TMEM233: variants seen among roughly 807,000 people sequenced by gnomAD.
TMEM233 encodes dispanin subfamily B member 2.
In TMEM233, 6 loss-of-function variants were observed where a neutral mutation model predicts 11.2. That is an observed-to-expected ratio of 0.54 (90% CI 0.29 to 1.06). TMEM233 has a LOEUF of 1.06. Among genes scored for constraint, TMEM233 ranks in the 50% least tolerant of loss-of-function variants. TMEM233 has a pLI of 0.08. For synonymous variants in TMEM233, 59 were observed against 55.8 expected, an observed-to-expected ratio of 1.06 and a Z score of -0.26; for missense variants, 127 against 144.7, an observed-to-expected ratio of 0.88 and a Z score of 0.63.
chr12:119,606,581 T>C (rs560588014), intron 1 of TMEM233, among the ~76,000 whole-genome samples: 3 of 152,308 alleles, frequency 2.0e-5, no homozygotes, highest in Admixed American at 2.0e-4. Flanking sequence ...GATCAGAATA[T>C]TGGCATTAGC....
At chr12:119,617,225 G>A (rs983583481) in intron 1 of TMEM233, among the ~76,000 whole-genome samples, 2 of 152,204 alleles carry the variant, frequency 1.3e-5, no homozygotes, top group African/African-American at 2.4e-5. Context: ...ACAGGAAGAT[G>A]TAGGAAAGTT....
intron 1 of TMEM233, among the ~76,000 whole-genome samples, chr12:119,616,714 C>G (rs1480318202): frequency 6.6e-6 from 1 of 152,166 alleles, no homozygotes; most frequent in East Asian, 1.9e-4. Context: ...TGAATTGTAG[C>G]TCCCATAATC....
downstream of TMEM233, among the ~76,000 whole-genome samples, chr12:119,644,022 C>T (rs1955119254): frequency 6.6e-6 from 1 of 152,126 alleles, no homozygotes; most frequent in African/African-American, 2.4e-5. Context: ...GGACTTTTTC[C>T]TACCAGCCTG....
chr12:119,629,656 T>A, intron 1 of TMEM233, 80 bp from the exon 2 acceptor site: 1 of 1,416,118 alleles, frequency 7.1e-7, no homozygotes, highest in South Asian at 1.5e-5. Flanking sequence ...TGGAACCTTT[T>A]CATCAGGACA....
At chr12:119,615,173 T>TAAAAAAAAACAAAAAA (rs1954496507) in intron 1 of TMEM233, among the ~76,000 whole-genome samples, 1 of 56,184 alleles carries the variant, frequency 1.8e-5, no homozygotes, top group African/African-American at 7.3e-5. Flanking sequence ...CGCTTTCTGC[T>TAAAAAAAAACAAAAAA]AAAAAAAAAA....
intron 1 of TMEM233, among the ~76,000 whole-genome samples, chr12:119,627,853 C>T (rs1954795392): frequency 6.6e-6 from 1 of 152,208 alleles, no homozygotes; most frequent in South Asian, 2.1e-4. Flanking sequence ...TGACAGTTTA[C>T]CATTGCTATG....
chr12:119,600,931 A>G (rs2136676692), intron 1 of TMEM233, among the ~76,000 whole-genome samples: 1 of 152,310 alleles, frequency 6.6e-6, no homozygotes, highest in Non-Finnish European at 1.5e-5. Flanking sequence ...AAATAGTTAA[A>G]ATGGTCAATT....
At chr12:119,652,940 A>G in the TMEM233 span, among the ~76,000 whole-genome samples, 1 of 152,164 alleles carries the variant, frequency 6.6e-6, no homozygotes, top group Non-Finnish European at 1.5e-5. Flanking sequence ...CAAAACCAAA[A>G]TGGATCCACC....
At chr12:119,652,062 G>T in the TMEM233 span, among the ~76,000 whole-genome samples, 1 of 152,156 alleles carries the variant, frequency 6.6e-6, no homozygotes, top group East Asian at 1.9e-4. Flanking sequence ...GTGTTGAGGA[G>T]GATGTGAGAA....
At chr12:119,628,946 A>G (rs1035977232) in intron 1 of TMEM233, among the ~76,000 whole-genome samples, 1 of 152,244 alleles carries the variant, frequency 6.6e-6, no homozygotes, top group Non-Finnish European at 1.5e-5. Context: ...TATGTTCCAA[A>G]TAAGCTTTAT....
chr12:119,651,796 C>T, the TMEM233 span, among the ~76,000 whole-genome samples: 3 of 131,748 alleles, frequency 2.3e-5, no homozygotes, highest in Non-Finnish European at 4.7e-5. Flanking sequence ...CACTGCAGTC[C>T]AGCCTGGCGA....
rs902855087 is a variant in TMEM233 at position 119,594,328 on chromosome 12, A to G, written c.186+294A>G. 1.6e-5 allele frequency: 6 copies of G among 384,712 alleles called. No homozygotes were observed. The highest frequency in any genetic ancestry group is 1.2e-4 in the African/African-American group (6 of 48,374). The allele number at this position is 384,712 out of a possible 1,614,324, so 23.8% of individuals were successfully genotyped here. ...GGTGCGTTTCCTCTCCAACCCGGGG[A>G]AGTTCTTCCGTGGACTTTGCTGACT... is the stretch of plus-strand genomic sequence containing the variant. On this transcript the variant is annotated intron_variant, in intron 1 of 2. Transcript: ENST00000426426. This position sits in a 1 kb window ranked among gnomAD's most constrained non-coding sequence, Gnocchi z 5.6.
chr12:119,635,002 T>C (rs1227726947), intron 2 of TMEM233, among the ~76,000 whole-genome samples: 2 of 152,242 alleles, frequency 1.3e-5, no homozygotes, highest in Non-Finnish European at 2.9e-5. Context: ...GAATTGTTCT[T>C]GTCCAGACAG....
At chr12:119,621,823 A>G (rs1177399524) in intron 1 of TMEM233, among the ~76,000 whole-genome samples, 2 of 152,268 alleles carry the variant, frequency 1.3e-5, no homozygotes, top group African/African-American at 4.8e-5. Context: ...TTCAAAAGAA[A>G]TACAAGAGAA....
chr12:119,645,729 G>A (rs1477482291), downstream of TMEM233, among the ~76,000 whole-genome samples: 1 of 152,154 alleles, frequency 6.6e-6, no homozygotes, highest in Non-Finnish European at 1.5e-5. Flanking sequence ...CAATGACCCG[G>A]TCACGGCGTT....
chr12:119,594,103 G>A lies in TMEM233; in HGVS notation c.186+69G>A, dbSNP rs1338162657. 1.8e-5 allele frequency: 27 copies of A among 1,474,998 alleles called. No homozygotes were observed. Among genetic ancestry groups the A allele is most frequent in the Admixed American group, 1.0e-4 (5 of 47,886 alleles). The allele number at this position is 1,474,998 out of a possible 1,614,324, so 91.4% of individuals were successfully genotyped here. On this transcript the variant is annotated intron_variant, in intron 1 of 2. Coordinates refer to ENST00000426426, the MANE Select transcript of TMEM233 (RefSeq NM_001136534.3). This position sits in a 1 kb window ranked among gnomAD's most constrained non-coding sequence, Gnocchi z 5.6. ...GGCGGCTTTGAGCCCCTGCAGGGGA[G>A]TCCGCGCGCTCTCTGCGGCTCCCTT...
chr12:119,615,446 C>A (rs966042756), intron 1 of TMEM233, among the ~76,000 whole-genome samples: 1 of 151,348 alleles, frequency 6.6e-6, no homozygotes, highest in Non-Finnish European at 1.5e-5. Flanking sequence ...GAAAAACTTT[C>A]AAAAAAAAAT....
At chr12:119,651,816 A>G in the TMEM233 span, among the ~76,000 whole-genome samples, 1 of 121,450 alleles carries the variant, frequency 8.2e-6, no homozygotes, top group Non-Finnish European at 1.7e-5. Flanking sequence ...ACAGAGTGAG[A>G]CTCCGTCTCA....
intron 1 of TMEM233, among the ~76,000 whole-genome samples, chr12:119,628,862 G>A (rs1346864312): frequency 2.6e-5 from 4 of 152,242 alleles, no homozygotes; most frequent in South Asian, 4.2e-4. Context: ...CTAGGCCCCA[G>A]TTCTGGGGCT....
Sources: gnomAD v4.1 joint callset for allele counts (sites outside exome capture counted in the v4.1 genomes callset) on GRCh38, gnomAD v4.1.1 for gene constraint, Gnocchi (gnomAD v3.1) non-coding constraint, MANE v1.5 for transcripts, NCBI Gene and HGNC (gene_info 2026-07-23, HGNC 2026-07-21) for gene names.